Variants in PANK4 observed in about 807,000 individuals in gnomAD.
PANK4 encodes the protein 4'-phosphopantetheine phosphatase.
A neutral mutation model predicts 87.9 loss-of-function variants in PANK4; 40 were observed. The observed-to-expected ratio is 0.46, with a 90% CI of 0.35 to 0.59. PANK4 has a LOEUF of 0.59. PANK4 is among the 20% of genes least tolerant of loss of function. The pLI is 0.00. For missense variants in PANK4, 926 were observed against 1,072.3 expected (o/e 0.86, Z 1.90); for synonymous variants, 524 against 467.4 (o/e 1.12, Z -1.56).
Position 2,510,513 on chromosome 1 carries a change from C to A in PANK4, c.1938+165G>T, listed in dbSNP as rs565379745. 7 of 639,426 alleles carry A rather than the reference C, an allele frequency of 1.1e-5. No individual in the cohort carries two copies. The highest frequency in any genetic ancestry group is 1.9e-5 in the Non-Finnish European group (7 of 359,544). The allele number at this position is 639,426 out of a possible 1,614,324, so 39.6% of individuals were successfully genotyped here. A position where few individuals can be genotyped will look rare whatever the true frequency, so the allele number is the denominator to read the frequency against. On this transcript the variant is annotated intron_variant, in intron 16 of 18. Transcript: ENST00000378466. The surrounding 1 kb of genome is among the most constrained non-coding windows in gnomAD (Gnocchi z 4.9). ...GAGCCCAGGGGGCTCGGAGCCTCCA[C>A]CCCAGCAGATGACGGCTCTGGGCCG...
In PANK4 at chr1:2,514,518, G is replaced by C. The variant is rs751000682; in HGVS notation, c.1375-52C>G. On this transcript the variant is annotated intron_variant, in intron 10 of 18. Transcript: ENST00000378466. ...GTCAAGCGCTGGCCCTGCTGCTTGCGAATCCCCACGTGACAGCAGGGGGCT... is the reference window on the plus strand; with the variant it reads ...GTCAAGCGCTGGCCCTGCTGCTTGCCAATCCCCACGTGACAGCAGGGGGCT... 7.9e-6 allele frequency: 9 copies of C among 1,132,248 alleles called. No individual in the cohort carries two copies. The Admixed American group carries it at 1.2e-4, about 15-fold the overall frequency. The allele number at this position is 1,132,248 out of a possible 1,614,324, so 70.1% of individuals were successfully genotyped here. A position where few individuals can be genotyped will look rare whatever the true frequency, so the allele number is the denominator to read the frequency against.
In PANK4 at chr1:2,511,688, A is replaced by G. The variant is rs376540600; in HGVS notation, c.1728-5T>C. On this transcript the variant is annotated splice_region_variant and splice_polypyrimidine_tract_variant and intron_variant, in intron 13 of 18. Coordinates refer to ENST00000378466, the MANE Select transcript of PANK4 (RefSeq NM_018216.4). ...TAGGGGTCGGATTCAAGGACACTGC[A>G]TGGAGGAGGAGAAAAGAAAATTAAG... The G allele has an allele frequency of 3.4e-5, 54 of 1,589,364 alleles. No homozygotes were observed. Among genetic ancestry groups the G allele is most frequent in the African/African-American group, 1.7e-4 (13 of 74,532 alleles).
rs1036255012 is a variant in PANK4, at chr1:2,510,161, CAGG to C, written c.1939-7_1939-5del. On this transcript the variant is annotated splice_polypyrimidine_tract_variant and splice_region_variant and intron_variant, in intron 16 of 18. Transcript: ENST00000378466. This position sits in a 1 kb window ranked among gnomAD's most constrained non-coding sequence, Gnocchi z 4.9. The stretch of plus-strand genomic sequence containing the variant: ...CTGAGTTGCACGCCAGGATGACCTG[CAGG>C]AGGAGGGCCCAGGCTCTTTAGGAAC... 8 of 1,582,658 alleles carry C rather than the reference CAGG, an allele frequency of 5.1e-6. No homozygotes were observed. Among genetic ancestry groups the C allele is most frequent in the African/African-American group, 4.0e-5 (3 of 74,104 alleles).
chr1:2,526,382 TCCCGCCGCCCCCGCTCGCCGG>T (rs1285840726), intron 1 of PANK4, 61 bp downstream of exon 1: 17 of 849,206 alleles, frequency 2.0e-5, no homozygotes, highest in Admixed American at 6.2e-5. Flanking sequence ...CCTTCGTCCT[TCCCGCCGCCCCCGCTCGCCGG>T]CCCACCGCCG....
intron 11 of PANK4, 117 bp downstream of exon 11, chr1:2,514,237 C>G: frequency 9.1e-7 from 1 of 1,099,928 alleles, no homozygotes; most frequent in Non-Finnish European, 1.4e-6. Context: ...GCCGCCAGGG[C>G]CCACACCCAC....
chr1:2,521,421 C>T, intron 2 of PANK4, 106 bp from the exon 3 acceptor site: 2 of 956,458 alleles, frequency 2.1e-6, no homozygotes, highest in African/African-American at 1.6e-5. Flanking sequence ...AGCCTTCAAC[C>T]AGGCGGCGCT....
chr1:2,518,268 G>C lies in PANK4; in HGVS notation c.1118-4C>G. The C allele has an allele frequency of 6.2e-7, 1 of 1,603,316 alleles. No individual in the cohort carries two copies. Among genetic ancestry groups the C allele is most frequent in the Non-Finnish European group, 8.5e-7 (1 of 1,172,698 alleles). On this transcript the variant is annotated splice_region_variant and splice_polypyrimidine_tract_variant and intron_variant, in intron 8 of 18. Coordinates refer to ENST00000378466, the MANE Select transcript of PANK4 (RefSeq NM_018216.4). ...CCCCAGCTGTACTGGTTAGGATCTGGAAAGCAAGAAGCCAGGTCACTTGTG... is the reference window on the plus strand; with the variant it reads ...CCCCAGCTGTACTGGTTAGGATCTGCAAAGCAAGAAGCCAGGTCACTTGTG...
rs376256140 is a variant in PANK4, at chr1:2,508,953, C to T, written c.2216G>A (p.Arg739His). Reference sequence around the variant, plus strand: ...GACGGCCAGCTTGAGGCTCTCGCAGCGCAGGGCTGCGTGGTAGTTTGTGTG... The same window carrying T: ...GACGGCCAGCTTGAGGCTCTCGCAGTGCAGGGCTGCGTGGTAGTTTGTGTG... Reference protein sequence around the residue: ...AVHTNYHAALRCESLKLAVIK... With the variant: ...AVHTNYHAALHCESLKLAVIK... Residue 739 changes from arginine to histidine, a missense_variant, in exon 19 of 19, where the codon CGC becomes CAC. Coordinates refer to ENST00000378466, the MANE Select transcript of PANK4 (RefSeq NM_018216.4). This position sits in a 1 kb window ranked among gnomAD's most constrained non-coding sequence, Gnocchi z 5.1. The T allele has an allele frequency of 1.2e-5, 19 of 1,610,362 alleles. No individual in the cohort carries two copies. Among genetic ancestry groups the T allele is most frequent in the Middle Eastern group, 1.7e-4 (1 of 6,040 alleles).
chr1:2,523,700 G>T (rs909052350), intron 1 of PANK4, among the ~76,000 whole-genome samples: 6 of 152,206 alleles, frequency 3.9e-5, no homozygotes, highest in Admixed American at 2.0e-4. Context: ...CACCCGGGGG[G>T]ACAAAACGGG....
At chr1:2,521,002 C>A in intron 3 of PANK4, 96 bp from the exon 4 acceptor site, 4 of 1,512,376 alleles carry the variant, frequency 2.6e-6, no homozygotes, top group East Asian at 2.3e-5. Context: ...ATGCCCCATG[C>A]GCAATCTGAC....
intron 8 of PANK4, 55 bp downstream of exon 8, chr1:2,518,461 C>T (rs1005960765): frequency 4.1e-6 from 6 of 1,446,240 alleles, no homozygotes; most frequent in Non-Finnish European, 5.7e-6. Context: ...GGAGCACAGG[C>T]CCAGGCCACA....
Position 2,526,551 on chromosome 1 carries a change from C to A in PANK4, c.37G>T (p.Gly13Trp). Residue 13 changes from glycine (G) to tryptophan (W), a missense_variant, in exon 1 of 19, where the codon GGG becomes TGG. Transcript: ENST00000378466. Reference sequence around the variant, plus strand: ...GTGATGCTCTTGTCCAGACTGTCCCCGCTGCTCCCGCTGCCGCTCGCTCCA... The same window carrying A: ...GTGATGCTCTTGTCCAGACTGTCCCAGCTGCTCCCGCTGCCGCTCGCTCCA... ...ECGASGSGSS[G>W]DSLDKSITLP... 1 of 1,602,884 alleles carries A rather than the reference C, an allele frequency of 6.2e-7. No individual in the cohort carries two copies. The highest frequency in any genetic ancestry group is 1.1e-5 in the South Asian group (1 of 89,994).
intron 13 of PANK4, chr1:2,512,606 T>C (rs908455732): frequency 1.1e-5 from 5 of 453,502 alleles, no homozygotes; most frequent in African/African-American, 2.0e-5. Flanking sequence ...CAATAGAAAA[T>C]GCCAGCCCCG....
In PANK4 at chr1:2,515,341, C is replaced by CG. The variant is rs1557440665; in HGVS notation, c.1374+220dup. Reference sequence around the variant, plus strand: ...AACTATCAGCTGCCCTTAGAAGCAACGTGCCTCGCAGACGCCACGTCCTCA... The same window carrying CG: ...AACTATCAGCTGCCCTTAGAAGCAACGGTGCCTCGCAGACGCCACGTCCTCA... On this transcript the variant is annotated intron_variant, in intron 10 of 18. Coordinates refer to ENST00000378466, the MANE Select transcript of PANK4 (RefSeq NM_018216.4). This position sits in a 1 kb window ranked among gnomAD's most constrained non-coding sequence, Gnocchi z 5.0. 2 of 698,782 alleles carry CG rather than the reference C, an allele frequency of 2.9e-6. No homozygotes were observed. The highest frequency in any genetic ancestry group is 5.2e-6 in the Non-Finnish European group (2 of 383,206). 43.3% of individuals were successfully genotyped at this position (698,782 alleles called of 1,614,324 possible). A position where few individuals can be genotyped will look rare whatever the true frequency, so the allele number is the denominator to read the frequency against.
At position 2,519,248 on chromosome 1, in the gene PANK4, G is replaced by A. The variant is rs746953629; in HGVS notation, c.930C>T (p.His310=). The A allele has an allele frequency of 2.2e-5, 36 of 1,612,490 alleles. No homozygotes were observed. The highest frequency in any genetic ancestry group is 4.0e-5 in the African/African-American group (3 of 74,928). The change falls in exon 7 of 19, where the codon CAC becomes CAT. Residue 310 remains histidine (H), a synonymous_variant. Transcript: ENST00000378466. This position sits in a 1 kb window ranked among gnomAD's most constrained non-coding sequence, Gnocchi z 8.3. ...SNDIGQLACL[H]ARLHSLDRVY... ...CGCGGTCCAGGCTGTGCAGCCGTGC[G>A]TGGAGGCAGGCCAGCTGCCCAATGT...
intron 1 of PANK4, among the ~76,000 whole-genome samples, chr1:2,523,825 C>A (rs370940409): frequency 2.6e-5 from 4 of 152,244 alleles, no homozygotes; most frequent in African/African-American, 4.8e-5. Flanking sequence ...CACAGCAAAC[C>A]GCGCCTGGCA....
At chr1:2,516,024 C>T (rs905133689) in intron 9 of PANK4, 3 of 476,986 alleles carry the variant, frequency 6.3e-6, no homozygotes, top group Non-Finnish European at 1.1e-5. Flanking sequence ...CTCCCATCAC[C>T]CCTCCTCCAC....
At position 2,519,663 on chromosome 1, in the gene PANK4, G is replaced by C. The variant is rs1643850974; in HGVS notation, c.853+138C>G. The C allele has an allele frequency of 2.3e-6, 2 of 860,030 alleles. No individual in the cohort carries two copies. The highest frequency in any genetic ancestry group is 3.5e-6 in the Non-Finnish European group (2 of 574,888). 53.3% of individuals were successfully genotyped at this position (860,030 alleles called of 1,614,324 possible). A position where few individuals can be genotyped will look rare whatever the true frequency, so the allele number is the denominator to read the frequency against. ...GAGCTGCAGCGACTCGGCAGGAAGA[G>C]GTTACAGGGCTGACACCCAAGACCC... On this transcript the variant is annotated intron_variant, in intron 6 of 18. Transcript: ENST00000378466. This position sits in a 1 kb window ranked among gnomAD's most constrained non-coding sequence, Gnocchi z 8.3.
chr1:2,512,717 GC>G, intron 13 of PANK4, 170 bp downstream of exon 13: 1 of 670,102 alleles, frequency 1.5e-6, no homozygotes. Context: ...GCCCTGCCCA[GC>G]CCCTGGCGCT....
Sources: gnomAD v4.1 joint callset for allele counts (sites outside exome capture counted in the v4.1 genomes callset) on GRCh38, gnomAD v4.1.1 for gene constraint, Gnocchi (gnomAD v3.1) non-coding constraint, MANE v1.5 for transcripts, NCBI Gene and HGNC (gene_info 2026-07-23, HGNC 2026-07-21) for gene names.